UGGT2: variants seen among roughly 807,000 people sequenced by gnomAD.
UGGT2 encodes UDP-glucose:glycoprotein glucosyltransferase 2.
A neutral mutation model predicts 192.1 loss-of-function variants in UGGT2; 180 were observed. That is an observed-to-expected ratio of 0.94 (90% CI 0.83 to 1.06). The LOEUF (loss-of-function observed/expected upper bound fraction) is 1.06, where lower values mean the gene tolerates loss of function less well. UGGT2 is among the 50% of genes least tolerant of loss of function. The pLI is 0.00. For missense variants in UGGT2, 1,849 were observed against 1,795.7 expected, an observed-to-expected ratio of 1.03 and a Z score of -0.54; for synonymous variants, 580 against 591.0, an observed-to-expected ratio of 0.98 and a Z score of 0.27.
chr13:95,972,136 A>ATT (rs10568232), intron 11 of UGGT2, among the ~76,000 whole-genome samples: 1 of 141,772 alleles, frequency 7.1e-6, no homozygotes, highest in African/African-American at 2.6e-5. Flanking sequence ...ATTTTGAAGA[A>ATT]TTTTTTTTTT....
At chr13:96,051,092 T>A (rs1342332397) in intron 1 of UGGT2, among the ~76,000 whole-genome samples, 5 of 152,216 alleles carry the variant, frequency 3.3e-5, no homozygotes, top group Non-Finnish European at 4.4e-5. Flanking sequence ...CAAATGTCCG[T>A]CAATGATAGA....
chr13:95,842,521 A>T (rs1212244677), intron 36 of UGGT2, among the ~76,000 whole-genome samples: 5 of 152,114 alleles, frequency 3.3e-5, no homozygotes, highest in Non-Finnish European at 5.9e-5. Flanking sequence ...GGCTTCCAAT[A>T]ATTCCTGACT....
chr13:95,837,676 G>A (rs1269334340), intron 36 of UGGT2, among the ~76,000 whole-genome samples: 1 of 152,160 alleles, frequency 6.6e-6, no homozygotes, highest in African/African-American at 2.4e-5. Flanking sequence ...GCTGGCATCT[G>A]GGTTAATGGA....
At chr13:95,988,804 C>T (rs2140891454) in intron 8 of UGGT2, among the ~76,000 whole-genome samples, 1 of 152,112 alleles carries the variant, frequency 6.6e-6, no homozygotes, top group Middle Eastern at 3.4e-3. Context: ...TACCTAGATA[C>T]CATATGGTAC....
At chr13:95,975,862 G>GGA in intron 10 of UGGT2, among the ~76,000 whole-genome samples, 1 of 151,972 alleles carries the variant, frequency 6.6e-6, no homozygotes, top group East Asian at 1.9e-4. Flanking sequence ...ACACATTTAT[G>GGA]GAGATCTTGT....
Position 95,867,410 on chromosome 13 carries a change from C to G in UGGT2, c.3487G>C (p.Asp1163His). 1 of 1,605,176 alleles carries G rather than the reference C, an allele frequency of 6.2e-7. No homozygotes were observed. Among genetic ancestry groups the G allele is most frequent in the South Asian group, 1.1e-5 (1 of 88,552 alleles). Residue 1163 changes from aspartate (D) to histidine (H), a missense_variant, in exon 30 of 39, where the codon GAC becomes CAC. Coordinates refer to ENST00000376747, the MANE Select transcript of UGGT2 (RefSeq NM_020121.4). ...IYQIVGHEGTDSQADLEDIIV... is the reference protein window; with the variant it reads ...IYQIVGHEGTHSQADLEDIIV... Reference sequence around the variant, plus strand: ...ATATCTTCTAGGTCTGCTTGAGAGTCAGTTCCTTCATGCCTAAAAGTAGAA... The same window carrying G: ...ATATCTTCTAGGTCTGCTTGAGAGTGAGTTCCTTCATGCCTAAAAGTAGAA...
intron 22 of UGGT2, among the ~76,000 whole-genome samples, chr13:95,895,638 A>G (rs1015700142): frequency 6.6e-6 from 1 of 152,038 alleles, no homozygotes; most frequent in Non-Finnish European, 1.5e-5. Context: ...TGAAACATAA[A>G]TCATGATGCT....
chr13:95,941,815 T>G (rs1351189514), intron 15 of UGGT2, among the ~76,000 whole-genome samples: 1 of 152,136 alleles, frequency 6.6e-6, no homozygotes, highest in East Asian at 1.9e-4. Context: ...CCACGTAACA[T>G]AAGAAATGGA....
chr13:95,957,439 T>C lies in UGGT2; in HGVS notation c.1336-7985A>G, dbSNP rs1176084369. The stretch of plus-strand genomic sequence containing the variant: ...ACTGGAATTCCTGGGGTTTGGGGCC[T>C]GTGGTAGTCTTGACAAATTAGCAGT... On this transcript the variant is annotated intron_variant, in intron 12 of 38. Transcript: ENST00000376747. Among the ~76,000 whole-genome samples the C allele has an allele frequency of 3.9e-5, 6 of 152,298 alleles. No homozygotes were observed. In the East Asian group the frequency reaches 1.2e-3, roughly 29 times the overall value.
intron 36 of UGGT2, among the ~76,000 whole-genome samples, chr13:95,839,153 A>G (rs1233019514): frequency 6.6e-6 from 1 of 151,986 alleles, no homozygotes; most frequent in Non-Finnish European, 1.5e-5. Flanking sequence ...GGACACACAC[A>G]CACACTACCC....
intron 21 of UGGT2, among the ~76,000 whole-genome samples, chr13:95,901,320 T>G (rs1594271568): frequency 6.6e-6 from 1 of 152,090 alleles, no homozygotes; most frequent in Admixed American, 6.6e-5. Flanking sequence ...GTGTTTAAAA[T>G]GGAAATACTC....
intron 36 of UGGT2, among the ~76,000 whole-genome samples, chr13:95,841,949 C>G (rs1044599689): frequency 3.9e-5 from 6 of 152,040 alleles, no homozygotes; most frequent in African/African-American, 1.4e-4. Context: ...CTATTCTTTC[C>G]CCATTAAGTT....
intron 20 of UGGT2, among the ~76,000 whole-genome samples, chr13:95,913,879 G>A (rs889699627): frequency 3.3e-5 from 5 of 152,136 alleles, no homozygotes; most frequent in South Asian, 2.1e-4. Context: ...AATGTGGCAC[G>A]TATACACCAT....
intron 17 of UGGT2, among the ~76,000 whole-genome samples, chr13:95,930,186 T>C (rs2049198502): frequency 2.6e-5 from 4 of 152,194 alleles, no homozygotes; most frequent in Admixed American, 2.6e-4. Flanking sequence ...TTGTCGGATA[T>C]ACAGTTTGTG....
chr13:95,836,930 C>T (rs753392339), intron 37 of UGGT2, among the ~76,000 whole-genome samples, 156 bp downstream of exon 37: 48 of 152,198 alleles, frequency 3.2e-4, no homozygotes, highest in Non-Finnish European at 5.6e-4. Flanking sequence ...CCCAAAATAA[C>T]CCTATACTTG....
At chr13:95,842,382 A>G (rs1887960253) in intron 36 of UGGT2, among the ~76,000 whole-genome samples, 1 of 152,212 alleles carries the variant, frequency 6.6e-6, no homozygotes, top group South Asian at 2.1e-4. Context: ...TTTTAGAGTC[A>G]TCCATGTTGT....
At position 95,840,529 on chromosome 13, in the gene UGGT2, A is replaced by C. The variant is rs1167860161; in HGVS notation, c.4285-3327T>G. On this transcript the variant is annotated intron_variant, in intron 36 of 38. Coordinates refer to ENST00000376747, the MANE Select transcript of UGGT2 (RefSeq NM_020121.4). ...CCATCTCATGCCAGTTAGAATGGTG[A>C]TCATGAAAACATCTGGAAATAACAG... 7.9e-5 allele frequency among the ~76,000 whole-genome samples: 12 copies of C among 152,196 alleles called. No homozygotes were observed. The East Asian group carries it at 2.3e-3, about 29-fold the overall frequency.
chr13:95,970,220 G>C lies in UGGT2; in HGVS notation c.1227C>G (p.Gly409=), dbSNP rs147470783. ...MLKLEGKMMN[G]LRNLGINGED... is the part of the protein sequence containing the mutation. ...CCCCATTGATCCCAAGATTGCGAAG[G>C]CCATTCATCATTTTTCCTTCTAATT... The change falls in exon 12 of 39, where the codon GGC becomes GGG. Residue 409 remains glycine (G), a synonymous_variant. Transcript: ENST00000376747. The C allele has an allele frequency of 1.6e-5, 26 of 1,612,882 alleles. No homozygotes were observed. The African/African-American group carries it at 3.1e-4, about 19-fold the overall frequency.
At chr13:95,840,056 A>G (rs1887702350) in intron 36 of UGGT2, among the ~76,000 whole-genome samples, 2 of 152,220 alleles carry the variant, frequency 1.3e-5, no homozygotes, top group South Asian at 4.1e-4. Flanking sequence ...ATCTCTGCTT[A>G]AAGACTTAAA....
Sources: gnomAD v4.1 joint callset for allele counts (sites outside exome capture counted in the v4.1 genomes callset) on GRCh38, gnomAD v4.1.1 for gene constraint, MANE v1.5 for transcripts, NCBI Gene and HGNC (gene_info 2026-07-23, HGNC 2026-07-21) for gene names.